Variants in TRHDE observed in about 807,000 individuals in gnomAD.
The protein encoded by TRHDE is thyrotropin-releasing hormone-degrading ectoenzyme.
Under a neutral mutation model 125.7 loss-of-function variants are expected in TRHDE, and 72 were observed. The observed-to-expected ratio is 0.57, with a 90% CI of 0.47 to 0.70. TRHDE has a LOEUF of 0.70. Ranked by LOEUF, TRHDE falls within the 30% of genes least tolerant of loss-of-function variation. The pLI, the probability that TRHDE is intolerant of heterozygous loss-of-function variation, is 0.00. For missense variants in TRHDE, 1,110 were observed against 1,327.1 expected, an observed-to-expected ratio of 0.84 and a Z score of 2.54; for synonymous variants, 509 against 509.1, an observed-to-expected ratio of 1.00 and a Z score of 0.00.
chr12:72,249,326 A>G (rs1175498667), intron 2 of TRHDE, among the ~76,000 whole-genome samples: 2 of 152,182 alleles, frequency 1.3e-5, no homozygotes, highest in African/African-American at 2.4e-5. Context: ...TAATATATAA[A>G]CTCAGTCATA....
intron 2 of TRHDE, among the ~76,000 whole-genome samples, chr12:72,295,443 T>A (rs886233343): frequency 6.6e-6 from 1 of 152,114 alleles, no homozygotes; most frequent in Non-Finnish European, 1.5e-5. Context: ...TGGATGGGAA[T>A]ATATATTGCA....
chr12:72,439,147 A>C (rs1874881133), intron 3 of TRHDE, among the ~76,000 whole-genome samples: 1 of 151,800 alleles, frequency 6.6e-6, no homozygotes, highest in African/African-American at 2.4e-5. Context: ...CTTCTGCTTA[A>C]TTGGTCTATG....
chr12:72,342,159 A>C (rs1296159036), intron 2 of TRHDE, among the ~76,000 whole-genome samples: 2 of 152,112 alleles, frequency 1.3e-5, no homozygotes, highest in African/African-American at 2.4e-5. Context: ...ATTGTGTTTT[A>C]CTGTTATATT....
chr12:72,384,614 A>C (rs1872332729), intron 3 of TRHDE, among the ~76,000 whole-genome samples: 1 of 152,090 alleles, frequency 6.6e-6, no homozygotes, highest in Non-Finnish European at 1.5e-5. Context: ...CATTTTGAGA[A>C]TTGTATAGTA....
chr12:72,249,418 G>T (rs569198276), intron 2 of TRHDE, among the ~76,000 whole-genome samples: 3 of 152,140 alleles, frequency 2.0e-5, no homozygotes, highest in Admixed American at 6.5e-5. Flanking sequence ...TGGGCATGGT[G>T]GTATGTACCT....
At chr12:72,574,712 T>C (rs10784973) in intron 10 of TRHDE, among the ~76,000 whole-genome samples, 40,436 of 151,936 alleles carry the variant, frequency 0.27, 8,119 homozygotes, top group African/African-American at 0.54. Context: ...AATATTAAAA[T>C]CTTGAACAAG....
At chr12:72,530,471 TCATCTC>T (rs1868491852) in intron 6 of TRHDE, among the ~76,000 whole-genome samples, 2 of 150,478 alleles carry the variant, frequency 1.3e-5, no homozygotes, top group African/African-American at 2.4e-5. Context: ...CATTTCTTTT[TCATCTC>T]TTTGAGGAAC....
chr12:72,582,388 A>G (rs1254563547), intron 12 of TRHDE: 5 of 985,222 alleles, frequency 5.1e-6, no homozygotes, highest in Non-Finnish European at 6.0e-6. Flanking sequence ...GCATTGTTAA[A>G]ATAACCTTAA....
intron 12 of TRHDE, among the ~76,000 whole-genome samples, chr12:72,597,461 A>G (rs1470071088): frequency 6.6e-6 from 1 of 151,874 alleles, no homozygotes; most frequent in African/African-American, 2.4e-5. Flanking sequence ...TGAGGTCAGG[A>G]GTTCGAGACC....
At chr12:72,149,091 C>T (rs140040993) in intron 2 of TRHDE, among the ~76,000 whole-genome samples, 32 of 152,078 alleles carry the variant, frequency 2.1e-4, no homozygotes, top group African/African-American at 7.5e-4. Flanking sequence ...CAAATTCTAA[C>T]ATGATTTTTT....
At chr12:72,465,088 C>T (rs1346930273) in intron 3 of TRHDE, among the ~76,000 whole-genome samples, 4 of 152,194 alleles carry the variant, frequency 2.6e-5, no homozygotes, top group African/African-American at 9.6e-5. Context: ...TATGGGTATA[C>T]ATTTTAATGG....
rs1233539304 is a variant in TRHDE, at chr12:72,653,104, C to T, written c.2932C>T (p.Arg978Ter). 4.4e-6 allele frequency: 7 copies of T among 1,609,058 alleles called. No homozygotes were observed. Among genetic ancestry groups the T allele is most frequent in the Admixed American group, 1.7e-5 (1 of 59,506 alleles). ...CCATGTAGCTCGAAATCCACATGGT[C>T]GAGACCTTGCCTGGAAGTTTTTCAG... ...IIHVARNPHG[R>*]DLAWKFFRDK... Residue 978 changes from arginine (R) to a stop codon, truncating the protein, a stop_gained, in exon 17 of 19, where the codon CGA (arginine) becomes TGA (stop). Coordinates refer to ENST00000261180, the MANE Select transcript of TRHDE (RefSeq NM_013381.3). LOFTEE classifies it high-confidence loss of function.
chr12:72,215,968 G>GT (rs1877881826), intron 2 of TRHDE, among the ~76,000 whole-genome samples: 1 of 152,170 alleles, frequency 6.6e-6, no homozygotes, highest in Admixed American at 6.5e-5. Context: ...TTGGGGTATT[G>GT]TAACAAGACA....
intron 12 of TRHDE, among the ~76,000 whole-genome samples, chr12:72,585,641 T>C (rs1214901): frequency 9.8e-5 from 15 of 152,302 alleles, no homozygotes; most frequent in South Asian, 8.3e-4. Context: ...ACTACTTGCT[T>C]TTTGATTTGT....
At chr12:72,156,520 T>A (rs1876516288) in intron 2 of TRHDE, among the ~76,000 whole-genome samples, 2 of 152,320 alleles carry the variant, frequency 1.3e-5, no homozygotes, top group South Asian at 4.1e-4. Context: ...TCTGTTCCTA[T>A]GCGGCCATCT....
intron 15 of TRHDE, among the ~76,000 whole-genome samples, chr12:72,630,739 A>G (rs1873459650): frequency 6.6e-6 from 1 of 151,634 alleles, no homozygotes; most frequent in Non-Finnish European, 1.5e-5. Flanking sequence ...CTGAGGATGC[A>G]GTTTCTTCTT....
At chr12:72,217,714 C>T (rs961156155) in intron 2 of TRHDE, among the ~76,000 whole-genome samples, 21 of 152,092 alleles carry the variant, frequency 1.4e-4, no homozygotes, top group Admixed American at 2.0e-4. Flanking sequence ...GAGATGCTTT[C>T]GTTGCACAAT....
At chr12:72,089,098 G>A (rs560161881) in intron 1 of TRHDE, among the ~76,000 whole-genome samples, 1 of 152,146 alleles carries the variant, frequency 6.6e-6, no homozygotes, top group South Asian at 2.1e-4. Context: ...AGTTTCCAAG[G>A]TCAAAACACT....
intron 2 of TRHDE, among the ~76,000 whole-genome samples, chr12:72,211,787 A>G (rs1592485574): frequency 6.6e-6 from 1 of 152,212 alleles, no homozygotes; most frequent in Non-Finnish European, 1.5e-5. Context: ...TAATACAATA[A>G]TAGAATAAAG....
Sources: gnomAD v4.1 joint callset for allele counts (sites outside exome capture counted in the v4.1 genomes callset) on GRCh38, gnomAD v4.1.1 for gene constraint, MANE v1.5 for transcripts, NCBI Gene and HGNC (gene_info 2026-07-23, HGNC 2026-07-21) for gene names.